Variants in EGF observed in about 807,000 individuals in gnomAD.
EGF encodes pro-epidermal growth factor.
A neutral mutation model predicts 143.8 loss-of-function variants in EGF; 95 were observed. That is an observed-to-expected ratio of 0.66 (90% confidence interval 0.56 to 0.78). EGF has a LOEUF of 0.78. EGF is among the 30% of genes least tolerant of loss of function. The pLI is 0.00. For synonymous variants in EGF, 510 were observed against 510.5 expected (o/e 1.00, Z 0.01); for missense variants, 1,320 against 1,470.9 (o/e 0.90, Z 1.68).
intron 22 of EGF, among the ~76,000 whole-genome samples, chr4:110,005,220 A>G (rs916666733): frequency 6.6e-6 from 1 of 151,184 alleles, no homozygotes; most frequent in African/African-American, 2.4e-5. Context: ...TAATTTTTGT[A>G]TTTTTTGTAG....
chr4:109,963,709 C>T (rs565919335), intron 9 of EGF, among the ~76,000 whole-genome samples: 28 of 152,084 alleles, frequency 1.8e-4, no homozygotes, highest in Non-Finnish European at 1.3e-4. Context: ...TAAAGTTGTA[C>T]GCTTCAGCTA....
chr4:109,924,990 G>T (rs1158951641), intron 1 of EGF, among the ~76,000 whole-genome samples: 1 of 152,204 alleles, frequency 6.6e-6, no homozygotes, highest in Non-Finnish European at 1.5e-5. Context: ...ATTTGTAAAT[G>T]AGTATCCAGG....
intron 18 of EGF, 146 bp from the exon 19 acceptor site, chr4:109,993,101 A>T: frequency 1.3e-6 from 1 of 751,264 alleles, no homozygotes; most frequent in Non-Finnish European, 1.8e-6. Context: ...TATAATAAAA[A>T]ATATATATTA....
At chr4:109,995,938 T>G (rs1489870801) in intron 20 of EGF, among the ~76,000 whole-genome samples, 2 of 152,210 alleles carry the variant, frequency 1.3e-5, no homozygotes, top group East Asian at 3.8e-4. Context: ...TAAAAATGAC[T>G]CAGTCCTTAT....
chr4:109,975,938 T>C, intron 12 of EGF, 74 bp from the exon 13 acceptor site: 1 of 1,473,674 alleles, frequency 6.8e-7, no homozygotes, highest in Non-Finnish European at 9.5e-7. Flanking sequence ...TTTACATTGA[T>C]ATTTTCAATG....
intron 20 of EGF, among the ~76,000 whole-genome samples, chr4:109,995,630 A>T (rs1560756711): frequency 6.6e-6 from 1 of 152,184 alleles, no homozygotes; most frequent in Non-Finnish European, 1.5e-5. Flanking sequence ...AATTCATTTC[A>T]TATTTTCAAG....
At chr4:109,948,790 C>T (rs1457494437) in intron 5 of EGF, among the ~76,000 whole-genome samples, 2 of 151,878 alleles carry the variant, frequency 1.3e-5, no homozygotes, top group African/African-American at 4.8e-5. Context: ...CCAGCCCATC[C>T]TTCAGATGTA....
rs1056649870 is a variant in EGF at position 109,943,380 on chromosome 4, A to G, written c.454A>G (p.Ile152Val). 1 of 1,613,830 alleles carries G rather than the reference A, an allele frequency of 6.2e-7. No homozygotes were observed. Among genetic ancestry groups the G allele is most frequent in the Non-Finnish European group, 8.5e-7 (1 of 1,179,820 alleles). Reference protein sequence around the residue: ...VTDMKGNNSHILLSALKYPAN... With the variant: ...VTDMKGNNSHVLLSALKYPAN... Reference sequence around the variant, plus strand: ...AGATATGAAAGGAAATAATTCCCACATTCTTTTAAGTGCTTTAAAATATCC... The same window carrying G: ...AGATATGAAAGGAAATAATTCCCACGTTCTTTTAAGTGCTTTAAAATATCC... The change falls in exon 3 of 24, where the codon ATT (isoleucine) becomes GTT (valine). Residue 152 changes from isoleucine to valine, a missense_variant. This residue lies in a region of EGF where 1,186 missense variants were observed against 1,313.7 expected (regional missense o/e 0.90). Transcript: ENST00000265171.
chr4:109,969,091 G>T lies in EGF; in HGVS notation c.1696G>T (p.Gly566Cys). ...AGAAGGTCTTGCTGTGGACTGGATT[G>T]GCCGTAGATTCTATTGGACAGACAG... ...VPEGLAVDWIGRRFYWTDRGK... is the reference protein window; with the variant it reads ...VPEGLAVDWICRRFYWTDRGK... Residue 566 changes from glycine to cysteine, a missense_variant, in exon 11 of 24, where the codon GGC becomes TGC. Physicochemically the swap from Gly to Cys is radical, Grantham distance 159 (BLOSUM62 -3). This residue lies in a region of EGF where 1,186 missense variants were observed against 1,313.7 expected (regional missense o/e 0.90). Transcript: ENST00000265171. 1 of 1,614,088 alleles carries T rather than the reference G, an allele frequency of 6.2e-7. No individual in the cohort carries two copies. Among genetic ancestry groups the T allele is most frequent in the Non-Finnish European group, 8.5e-7 (1 of 1,179,996 alleles).
rs1741397055 is a variant in EGF at position 109,938,903 on chromosome 4, A to G, written c.128-2043A>G. Among the ~76,000 whole-genome samples the G allele has an allele frequency of 3.3e-5, 5 of 152,274 alleles. No homozygotes were observed. The South Asian group carries it at 1.0e-3, about 32-fold the overall frequency. On this transcript the variant is annotated intron_variant, in intron 1 of 23. Transcript: ENST00000265171. ...TCTTCCTCTGGAAGCTTTGTCCCAG[A>G]GGGGCACTTGCCTGTATGAGGTGTC...
intron 7 of EGF, 125 bp from the exon 8 acceptor site, chr4:109,961,738 C>A (rs1745730171): frequency 7.8e-7 from 1 of 1,274,074 alleles, no homozygotes; most frequent in Admixed American, 1.8e-5. Context: ...GTGGCTCACA[C>A]CTGTAATCCC....
At chr4:109,993,489 T>C in intron 19 of EGF, 120 bp downstream of exon 19, 5 of 1,426,018 alleles carry the variant, frequency 3.5e-6, no homozygotes, top group Non-Finnish European at 4.8e-6. Flanking sequence ...GCTGCAGAGC[T>C]GGCTTTCCTG....
At chr4:109,923,639 A>T (rs1012286621) in intron 1 of EGF, among the ~76,000 whole-genome samples, 1 of 151,476 alleles carries the variant, frequency 6.6e-6, no homozygotes, top group Non-Finnish European at 1.5e-5. Context: ...TTATTTTTTG[A>T]GACAGGGTCT....
In EGF at chr4:109,980,819, C is replaced by T; in HGVS notation, c.2222-7C>T. The T allele has an allele frequency of 5.0e-6, 8 of 1,613,952 alleles. No individual in the cohort carries two copies. The highest frequency in any genetic ancestry group is 6.8e-6 in the Non-Finnish European group (8 of 1,179,898). ...CCACTTGTGAATTTGTTTCTTTTCT[C>T]TACTAGGAGCAGATCCCTGCTTATA... On this transcript the variant is annotated splice_polypyrimidine_tract_variant and splice_region_variant and intron_variant, in intron 14 of 23. Coordinates refer to ENST00000265171, the MANE Select transcript of EGF (RefSeq NM_001963.6).
At chr4:109,973,736 G>C (rs1748036304) in intron 11 of EGF, among the ~76,000 whole-genome samples, 1 of 152,040 alleles carries the variant, frequency 6.6e-6, no homozygotes, top group African/African-American at 2.4e-5. Context: ...TATAAGGACA[G>C]AGACAGGGCT....
chr4:109,959,221 G>A, intron 5 of EGF, 91 bp from the exon 6 acceptor site: 1 of 1,583,728 alleles, frequency 6.3e-7, no homozygotes, highest in Non-Finnish European at 8.6e-7. Context: ...ACGTTGTAGG[G>A]AGGTAAGACC....
At chr4:109,999,153 AT>A (rs893544346) in intron 20 of EGF, among the ~76,000 whole-genome samples, 69 of 148,332 alleles carry the variant, frequency 4.7e-4, no homozygotes, top group Middle Eastern at 3.6e-3. Flanking sequence ...ACTAGTAGTG[AT>A]TTTTTTTTTT....
chr4:109,927,828 T>C (rs1738993581), intron 1 of EGF, among the ~76,000 whole-genome samples: 1 of 150,590 alleles, frequency 6.6e-6, no homozygotes, highest in South Asian at 2.1e-4. Context: ...TGTGTGTGTG[T>C]GTGTGTGTGT....
intron 1 of EGF, among the ~76,000 whole-genome samples, chr4:109,929,533 T>G (rs1299574755): frequency 6.6e-6 from 1 of 152,210 alleles, no homozygotes; most frequent in Non-Finnish European, 1.5e-5. Context: ...AAGTTTCATG[T>G]TGCAGAACTT....
Sources: allele counts gnomAD v4.1 joint callset (sites outside exome capture counted in the v4.1 genomes callset), GRCh38; gene constraint gnomAD v4.1.1; regional missense constraint gnomAD v4.1.1; transcripts MANE v1.5; gene names NCBI Gene and HGNC (gene_info 2026-07-23, HGNC 2026-07-21).